The following SPOCK1 variants were observed in gnomAD, a reference collection of about 807,000 sequenced individuals.
SPOCK1 encodes the protein testican-1.
In SPOCK1, 23 loss-of-function variants were observed where a neutral mutation model predicts 55.3. That is an observed-to-expected ratio of 0.42 (90% CI 0.30 to 0.59). SPOCK1 has a LOEUF of 0.59. Ranked by LOEUF, SPOCK1 falls within the 20% of genes least tolerant of loss-of-function variation. The pLI is 0.22. For missense variants in SPOCK1, 499 were observed against 552.5 expected (o/e 0.90, Z 0.97); for synonymous variants, 226 against 221.0 (o/e 1.02, Z -0.20).
chr5:137,267,914 C>T (rs1756889619), intron 2 of SPOCK1, among the ~76,000 whole-genome samples: 1 of 152,324 alleles, frequency 6.6e-6, no homozygotes, highest in Non-Finnish European at 1.5e-5. Context: ...ACATTATCCT[C>T]ATAGCATCTT....
At chr5:137,272,260 C>G (rs1282034453) in intron 2 of SPOCK1, among the ~76,000 whole-genome samples, 1 of 152,184 alleles carries the variant, frequency 6.6e-6, no homozygotes, top group Non-Finnish European at 1.5e-5. Flanking sequence ...CTTCACACTA[C>G]TTGACTGGGG....
chr5:137,460,728 T>C (rs1456439792), intron 2 of SPOCK1, among the ~76,000 whole-genome samples: 2 of 149,544 alleles, frequency 1.3e-5, no homozygotes, highest in African/African-American at 5.0e-5. Flanking sequence ...CTTACACTGA[T>C]CTACATGGCC....
At chr5:137,297,939 T>C (rs531425259) in intron 2 of SPOCK1, among the ~76,000 whole-genome samples, 1 of 152,158 alleles carries the variant, frequency 6.6e-6, no homozygotes, top group East Asian at 1.9e-4. Context: ...AGACAGGAAA[T>C]GTGACCATAC....
chr5:137,478,250 A>T (rs966158362), intron 2 of SPOCK1, among the ~76,000 whole-genome samples: 3 of 152,224 alleles, frequency 2.0e-5, no homozygotes, highest in African/African-American at 7.2e-5. Flanking sequence ...AGACTAAGTC[A>T]TAATAAATGC....
intron 3 of SPOCK1, among the ~76,000 whole-genome samples, chr5:137,156,935 G>T (rs1191749523): frequency 2.0e-5 from 3 of 152,118 alleles, no homozygotes; most frequent in Admixed American, 2.0e-4. Flanking sequence ...TTAAAATAAG[G>T]TGTTAGCAGT....
At chr5:137,322,546 C>A (rs990639448) in intron 2 of SPOCK1, among the ~76,000 whole-genome samples, 3 of 151,776 alleles carry the variant, frequency 2.0e-5, no homozygotes, top group Non-Finnish European at 2.9e-5. Flanking sequence ...AATAACAAAA[C>A]AGAGGGGAGA....
intron 2 of SPOCK1, among the ~76,000 whole-genome samples, chr5:137,393,161 C>G (rs570427179): frequency 2.6e-5 from 4 of 152,304 alleles, no homozygotes; most frequent in Non-Finnish European, 5.9e-5. Context: ...TACAGTAGAT[C>G]AATTGCATTA....
At chr5:137,030,145 T>A (rs1751751354) in intron 6 of SPOCK1, among the ~76,000 whole-genome samples, 1 of 152,232 alleles carries the variant, frequency 6.6e-6, no homozygotes, top group South Asian at 2.1e-4. Context: ...TAAAGCCTAA[T>A]ACACAGCCTG....
At chr5:137,472,548 TG>T (rs1753757677) in intron 2 of SPOCK1, among the ~76,000 whole-genome samples, 1 of 152,234 alleles carries the variant, frequency 6.6e-6, no homozygotes. Context: ...GAGTGTAATT[TG>T]GCAACATTCA....
intron 3 of SPOCK1, among the ~76,000 whole-genome samples, chr5:137,242,675 C>T (rs1756309092): frequency 6.6e-6 from 1 of 152,150 alleles, no homozygotes; most frequent in African/African-American, 2.4e-5. Flanking sequence ...GAGGTCGAGG[C>T]TGTAGTGAGC....
At chr5:137,108,836 G>T (rs1753413082) in intron 5 of SPOCK1, among the ~76,000 whole-genome samples, 1 of 152,096 alleles carries the variant, frequency 6.6e-6, no homozygotes. Flanking sequence ...ATTGCAAAGG[G>T]GTCTCCCCAA....
chr5:137,498,600 G>GCGGC (rs1754360102), intron 1 of SPOCK1, 42 bp from the exon 2 acceptor site: 1 of 1,275,642 alleles, frequency 7.8e-7, no homozygotes, highest in Admixed American at 4.3e-5. Context: ...AAGAGGGCGG[G>GCGGC]CGGCCGCGAG....
chr5:137,050,412 G>A (rs1194325870), intron 6 of SPOCK1, among the ~76,000 whole-genome samples: 128 of 147,968 alleles, frequency 8.7e-4, no homozygotes, highest in African/African-American at 1.5e-3. Flanking sequence ...TTCCAGGTGC[G>A]TCCGTCACCC....
chr5:137,396,937 G>T (rs539247835), intron 2 of SPOCK1, among the ~76,000 whole-genome samples: 2 of 152,058 alleles, frequency 1.3e-5, no homozygotes, highest in Non-Finnish European at 2.9e-5. Context: ...AGAGCCTTAC[G>T]CGTTTATACT....
At position 137,019,795 on chromosome 5, in the gene SPOCK1, G is replaced by A. The variant is rs140618276; in HGVS notation, c.590-27195C>T. Among the ~76,000 whole-genome samples the A allele has an allele frequency of 1.8e-3, 278 of 152,004 alleles. 3 individuals carry two copies. Among genetic ancestry groups the A allele is most frequent in the African/African-American group, 6.4e-3 (264 of 41,510 alleles). On this transcript the variant is annotated intron_variant, in intron 6 of 10. Coordinates refer to ENST00000394945, the MANE Select transcript of SPOCK1 (RefSeq NM_004598.4). ...GGACTTCTGAAGTGCAAAAAGGAATGATAGACAAAGGAAAAGGAAAATATG... is the reference window on the plus strand; with the variant it reads ...GGACTTCTGAAGTGCAAAAAGGAATAATAGACAAAGGAAAAGGAAAATATG...
chr5:137,451,229 C>T (rs1383938278), intron 2 of SPOCK1, among the ~76,000 whole-genome samples: 1 of 152,100 alleles, frequency 6.6e-6, no homozygotes, highest in Non-Finnish European at 1.5e-5. Context: ...TATTATACTC[C>T]ATGCTCCCGG....
At chr5:137,492,417 G>A (rs961166805) in intron 2 of SPOCK1, among the ~76,000 whole-genome samples, 1 of 152,172 alleles carries the variant, frequency 6.6e-6, no homozygotes, top group Non-Finnish European at 1.5e-5. Context: ...TAGGAGCAGG[G>A]AGACAGAATG....
At chr5:137,210,725 G>A (rs1353855074) in intron 3 of SPOCK1, among the ~76,000 whole-genome samples, 1 of 152,184 alleles carries the variant, frequency 6.6e-6, no homozygotes, top group East Asian at 1.9e-4. Flanking sequence ...GGGGCAGCTG[G>A]GATGGAGGTG....
intron 3 of SPOCK1, among the ~76,000 whole-genome samples, chr5:137,210,992 C>A (rs1237435349): frequency 1.3e-5 from 2 of 152,206 alleles, no homozygotes; most frequent in African/African-American, 4.8e-5. Flanking sequence ...AGTTGTCATT[C>A]TCAGCAGCCA....
Sources: allele counts gnomAD v4.1 joint callset (sites outside exome capture counted in the v4.1 genomes callset), GRCh38; gene constraint gnomAD v4.1.1; transcripts MANE v1.5; gene names NCBI Gene and HGNC (gene_info 2026-07-23, HGNC 2026-07-21).